The following CAMKV variants were observed in gnomAD, a reference collection of about 807,000 sequenced individuals.
CAMKV encodes caM kinase-like vesicle-associated protein.
Under a neutral mutation model 50.2 loss-of-function variants are expected in CAMKV, and 5 were observed. The observed-to-expected ratio is 0.10, with a 90% CI of 0.05 to 0.21. CAMKV has a LOEUF of 0.21. Among genes scored for constraint, CAMKV ranks in the 10% least tolerant of loss-of-function variants. The pLI is 1.00. For synonymous variants in CAMKV, 229 were observed against 250.1 expected, an observed-to-expected ratio of 0.92 and a Z score of 0.80; for missense variants, 361 against 650.5, an observed-to-expected ratio of 0.55 and a Z score of 4.84.
Position 49,860,610 on chromosome 3 carries a change from T to A in CAMKV, c.776-61A>T. 5.6e-6 allele frequency: 9 copies of A among 1,611,238 alleles called. No individual in the cohort carries two copies. Among genetic ancestry groups the A allele is most frequent in the Non-Finnish European group, 7.6e-6 (9 of 1,177,680 alleles). On this transcript the variant is annotated intron_variant, in intron 8 of 10. Coordinates refer to ENST00000477224, the MANE Select transcript of CAMKV (RefSeq NM_024046.5). The surrounding 1 kb of genome is among the most constrained non-coding windows in gnomAD (Gnocchi z 6.1). ...ACCCCATCTCAATGTCTAGAGGTGA[T>A]AAATGGGCTGGGGGACAGAAGCAGA...
rs998372182 is a variant in CAMKV at position 49,869,193 on chromosome 3, C to T, written c.-15+565G>A. Among the ~76,000 whole-genome samples, 2 of 152,188 alleles carry T rather than the reference C, an allele frequency of 1.3e-5. No individual in the cohort carries two copies. Among genetic ancestry groups the T allele is most frequent in the African/African-American group, 4.8e-5 (2 of 41,460 alleles). The stretch of plus-strand genomic sequence containing the variant: ...CATGTGCGCCCCCACCCCCACCGTG[C>T]ACGTGGGTCCATGCACTGGACCCCC... On this transcript the variant is annotated intron_variant, in intron 1 of 10. Transcript: ENST00000477224. This position sits in a 1 kb window ranked among gnomAD's most constrained non-coding sequence, Gnocchi z 5.2.
At chr3:49,863,374 T>C (rs1293189274) in intron 1 of CAMKV, 2 of 152,352 alleles carry the variant, frequency 1.3e-5, no homozygotes, top group Non-Finnish European at 2.9e-5. Context: ...TTTCTTTTTT[T>C]AGAGACAAGT....
chr3:49,859,755 C>G lies in CAMKV; in HGVS notation c.1069G>C (p.Ala357Pro), dbSNP rs1302979931. The change falls in exon 11 of 11, where the codon GCA becomes CCA. Residue 357 changes from alanine (A) to proline (P), a missense_variant. Transcript: ENST00000477224. The surrounding 1 kb of genome is among the most constrained non-coding windows in gnomAD (Gnocchi z 5.5). ...TPGAAGGATA[A>P]AASGATSAPE... is the part of the protein sequence containing the mutation. ...GCTGAGGTAGCTCCACTCGCAGCTGCAGCTGTGGCCCCACCTGCAGCCCCG... is the reference window on the plus strand; with the variant it reads ...GCTGAGGTAGCTCCACTCGCAGCTGGAGCTGTGGCCCCACCTGCAGCCCCG... 1 of 1,570,468 alleles carries G rather than the reference C, an allele frequency of 6.4e-7. No homozygotes were observed.
chr3:49,859,056 T>G lies in CAMKV; in HGVS notation c.*262A>C. 1 of 405,932 alleles carries G rather than the reference T, an allele frequency of 2.5e-6. No homozygotes were observed. Among genetic ancestry groups the G allele is most frequent in the Non-Finnish European group, 4.4e-6 (1 of 227,962 alleles). The allele number at this position is 405,932 out of a possible 1,614,324, so 25.1% of individuals were successfully genotyped here. A position where few individuals can be genotyped will look rare whatever the true frequency, so the allele number is the denominator to read the frequency against. ...GCATCCCACAAGGAACAGAAACTGG[T>G]GAAGCTAGCAAAAGACAGAAAAGCC... On this transcript the variant is annotated 3_prime_UTR_variant, in exon 11 of 11. Coordinates refer to ENST00000477224, the MANE Select transcript of CAMKV (RefSeq NM_024046.5). The surrounding 1 kb of genome is among the most constrained non-coding windows in gnomAD (Gnocchi z 5.5).
chr3:49,860,991 T>C lies in CAMKV; in HGVS notation c.590A>G (p.Tyr197Cys), dbSNP rs1161602649. 1.2e-6 allele frequency: 2 copies of C among 1,614,062 alleles called. No individual in the cohort carries two copies. Among genetic ancestry groups the C allele is most frequent in the South Asian group, 1.1e-5 (1 of 91,082 alleles). Residue 197 changes from tyrosine (Y) to cysteine (C), a missense_variant, in exon 7 of 11, where the codon TAT becomes TGT. By Grantham distance (194) the Tyr-to-Cys change is radical. This residue lies in a region of CAMKV where 172 missense variants were observed against 414.3 expected (regional missense o/e 0.42). Coordinates refer to ENST00000477224, the MANE Select transcript of CAMKV (RefSeq NM_024046.5). This position sits in a 1 kb window ranked among gnomAD's most constrained non-coding sequence, Gnocchi z 6.1. ...LAPEVVGRQR[Y>C]GRPVDCWAIG... ...GGCCCAGCAGTCCACAGGGCGTCCA[T>C]ACCGCTGCCGGCCTACCACCTCTGG...
At position 49,861,614 on chromosome 3, in the gene CAMKV, A is replaced by C. The variant is rs1382834253; in HGVS notation, c.303-37T>G. On this transcript the variant is annotated intron_variant, in intron 4 of 10. Transcript: ENST00000477224. The surrounding 1 kb of genome is among the most constrained non-coding windows in gnomAD (Gnocchi z 7.7). ...CAGCCCCTGAGCCTGGCGTGGGCAGAATCAGGGGTAGGGCAGGAGCACTTG... is the reference window on the plus strand; with the variant it reads ...CAGCCCCTGAGCCTGGCGTGGGCAGCATCAGGGGTAGGGCAGGAGCACTTG... 5 of 1,613,472 alleles carry C rather than the reference A, an allele frequency of 3.1e-6. No homozygotes were observed. Among genetic ancestry groups the C allele is most frequent in the Non-Finnish European group, 4.2e-6 (5 of 1,179,874 alleles).
chr3:49,860,493 C>T lies in CAMKV; in HGVS notation c.832G>A (p.Glu278Lys), dbSNP rs1240837292. The T allele has an allele frequency of 6.2e-7, 1 of 1,613,630 alleles. No homozygotes were observed. The highest frequency in any genetic ancestry group is 2.2e-5 in the East Asian group (1 of 44,858). The change falls in exon 9 of 11, where the codon GAA becomes AAA. Residue 278 changes from glutamate (E) to lysine (K), a missense_variant. By Grantham distance (56) the Glu-to-Lys change is moderately conservative (BLOSUM62 1). Coordinates refer to ENST00000477224, the MANE Select transcript of CAMKV (RefSeq NM_024046.5). This position sits in a 1 kb window ranked among gnomAD's most constrained non-coding sequence, Gnocchi z 6.1. ...CACCACTCATGGGAGATGGCCTCTT[C>T]TGCAGTGATCCGCTGGTCTTGCTCC... ...EVEQDQRITA[E>K]EAISHEWISG... is the part of the protein sequence containing the mutation.
chr3:49,865,270 T>C (rs2082055470), intron 1 of CAMKV, among the ~76,000 whole-genome samples: 1 of 152,078 alleles, frequency 6.6e-6, no homozygotes, highest in Non-Finnish European at 1.5e-5. Context: ...CCAGTTACCA[T>C]TGCCGGCTAC....
At position 49,859,243 on chromosome 3, in the gene CAMKV, T is replaced by G. The variant is rs377393471; in HGVS notation, c.*75A>C. On this transcript the variant is annotated 3_prime_UTR_variant, in exon 11 of 11. Coordinates refer to ENST00000477224, the MANE Select transcript of CAMKV (RefSeq NM_024046.5). The surrounding 1 kb of genome is among the most constrained non-coding windows in gnomAD (Gnocchi z 5.5). ...CGAGGGCATCATGCCAGTGACTCTA[T>G]GTACAGTGAGAAGCCCCTCATCCAC... 2.5e-4 allele frequency: 324 copies of G among 1,315,248 alleles called. 2 individuals carry two copies. The South Asian group carries it at 4.3e-3, about 18-fold the overall frequency. 81.5% of individuals were successfully genotyped at this position (1,315,248 alleles called of 1,614,324 possible). A position where few individuals can be genotyped will look rare whatever the true frequency, so the allele number is the denominator to read the frequency against.
In CAMKV at chr3:49,860,951, C is replaced by T; in HGVS notation, c.630G>A (p.Met210Ile). ...TCCATCTGTCCACTCACAGGATGTA[C>T]ATGATGACTCCAATGGCCCAGCAGT... The part of the protein sequence containing the change: ...PVDCWAIGVI[M>I]YILLSGNPPF... The change falls in exon 7 of 11, where the codon ATG (methionine) becomes ATA (isoleucine). Residue 210 changes from methionine to isoleucine, a missense_variant. Physicochemically the swap from Met to Ile is conservative, Grantham distance 10. Transcript: ENST00000477224. This position sits in a 1 kb window ranked among gnomAD's most constrained non-coding sequence, Gnocchi z 6.1. 6.2e-7 allele frequency: 1 copy of T among 1,614,150 alleles called. No individual in the cohort carries two copies. Among genetic ancestry groups the T allele is most frequent in the Non-Finnish European group, 8.5e-7 (1 of 1,180,018 alleles).
chr3:49,861,994 G>C lies in CAMKV; in HGVS notation c.227+51C>G. 1 of 1,612,552 alleles carries C rather than the reference G, an allele frequency of 6.2e-7. No homozygotes were observed. Among genetic ancestry groups the C allele is most frequent in the East Asian group, 2.2e-5 (1 of 44,832 alleles). On this transcript the variant is annotated intron_variant, in intron 3 of 10. Coordinates refer to ENST00000477224, the MANE Select transcript of CAMKV (RefSeq NM_024046.5). This position sits in a 1 kb window ranked among gnomAD's most constrained non-coding sequence, Gnocchi z 7.7. ...CTGCCTGAGGCCACTTGCCCTCTAAGCCCTTCCCTGCTGCCTCCCACCCCG... is the reference window on the plus strand; with the variant it reads ...CTGCCTGAGGCCACTTGCCCTCTAACCCCTTCCCTGCTGCCTCCCACCCCG...
Position 49,860,064 on chromosome 3 carries a change from C to T in CAMKV, c.942+107G>A. ...CAGTGGCTACACCCACACCTGATGG[C>T]CTGAGAAAAGCTTGTGTGTGGCTGC... On this transcript the variant is annotated intron_variant, in intron 10 of 10. Coordinates refer to ENST00000477224, the MANE Select transcript of CAMKV (RefSeq NM_024046.5). This position sits in a 1 kb window ranked among gnomAD's most constrained non-coding sequence, Gnocchi z 6.1. 3 of 1,161,418 alleles carry T rather than the reference C, an allele frequency of 2.6e-6. No individual in the cohort carries two copies. The highest frequency in any genetic ancestry group is 1.3e-5 in the South Asian group (1 of 76,322). 71.9% of individuals were successfully genotyped at this position (1,161,418 alleles called of 1,614,324 possible). A position where few individuals can be genotyped will look rare whatever the true frequency, so the allele number is the denominator to read the frequency against.
Position 49,861,703 on chromosome 3 carries a change from C to T in CAMKV, c.302+88G>A, listed in dbSNP as rs1324873824. The T allele has an allele frequency of 1.1e-5, 17 of 1,595,472 alleles. No homozygotes were observed. Among genetic ancestry groups the T allele is most frequent in the Non-Finnish European group, 1.5e-5 (17 of 1,165,596 alleles). ...ACAGGGACCTGGGACGCCAAGGGTCCAGAAAGGGGGTTTCCTTAGCTGCAG... is the reference window on the plus strand; with the variant it reads ...ACAGGGACCTGGGACGCCAAGGGTCTAGAAAGGGGGTTTCCTTAGCTGCAG... On this transcript the variant is annotated intron_variant, in intron 4 of 10. Transcript: ENST00000477224. The surrounding 1 kb of genome is among the most constrained non-coding windows in gnomAD (Gnocchi z 7.7).
rs778933330 is a variant in CAMKV, at chr3:49,861,995, C to A, written c.227+50G>T. 1 of 1,612,620 alleles carries A rather than the reference C, an allele frequency of 6.2e-7. No individual in the cohort carries two copies. The highest frequency in any genetic ancestry group is 8.5e-7 in the Non-Finnish European group (1 of 1,179,292). On this transcript the variant is annotated intron_variant, in intron 3 of 10. Transcript: ENST00000477224. The surrounding 1 kb of genome is among the most constrained non-coding windows in gnomAD (Gnocchi z 7.7). ...TGCCTGAGGCCACTTGCCCTCTAAG[C>A]CCTTCCCTGCTGCCTCCCACCCCGC... is the stretch of plus-strand genomic sequence containing the variant.
At chr3:49,865,474 C>T (rs896715204) in intron 1 of CAMKV, among the ~76,000 whole-genome samples, 37 of 152,184 alleles carry the variant, frequency 2.4e-4, no homozygotes, top group Middle Eastern at 3.4e-3. Context: ...AAAAGCCTCC[C>T]GTCAGATTCC....
rs1377590033 is a variant in CAMKV at position 49,869,889 on chromosome 3, T to C, written c.-146A>G. 2 of 152,088 alleles carry C rather than the reference T, an allele frequency of 1.3e-5. No homozygotes were observed. The highest frequency in any genetic ancestry group is 1.9e-4 in the East Asian group (1 of 5,168). 9.4% of individuals were successfully genotyped at this position (152,088 alleles called of 1,614,324 possible). A position where few individuals can be genotyped will look rare whatever the true frequency, so the allele number is the denominator to read the frequency against. ...CGGCGCCAGATGCAGCCGCTTCGGC[T>C]AGCGAACCTCCAGCATCGCCAGCCG... On this transcript the variant is annotated 5_prime_UTR_variant, in exon 1 of 11. An upstream open reading frame in the 5' UTR loses its in-frame stop. Coordinates refer to ENST00000477224, the MANE Select transcript of CAMKV (RefSeq NM_024046.5). The surrounding 1 kb of genome is among the most constrained non-coding windows in gnomAD (Gnocchi z 5.2).
Position 49,859,892 on chromosome 3 carries a change from C to G in CAMKV, c.943-11G>C. ...CACTCGGACAGCCTTCTGAAAGGAG[C>G]ACAGTGGAGAAAGGCTAAGGGTGAG... On this transcript the variant is annotated splice_polypyrimidine_tract_variant and intron_variant, in intron 10 of 10. Transcript: ENST00000477224. This position sits in a 1 kb window ranked among gnomAD's most constrained non-coding sequence, Gnocchi z 5.5. The G allele has an allele frequency of 6.6e-7, 1 of 1,509,446 alleles. No individual in the cohort carries two copies. Among genetic ancestry groups the G allele is most frequent in the Non-Finnish European group, 8.8e-7 (1 of 1,137,390 alleles). The allele number at this position is 1,509,446 out of a possible 1,614,324, so 93.5% of individuals were successfully genotyped here.
chr3:49,866,212 T>C (rs1434526321), intron 1 of CAMKV, among the ~76,000 whole-genome samples: 1 of 152,120 alleles, frequency 6.6e-6, no homozygotes, highest in Non-Finnish European at 1.5e-5. Context: ...AGCACCTTGG[T>C]TCCCTCTGCC....
At chr3:49,868,626 C>A (rs1273660788) in intron 1 of CAMKV, among the ~76,000 whole-genome samples, 1 of 152,204 alleles carries the variant, frequency 6.6e-6, no homozygotes, top group East Asian at 1.9e-4. Context: ...GAGACCCTTG[C>A]CCCACCCTGG....
Sources: allele counts gnomAD v4.1 joint callset (sites outside exome capture counted in the v4.1 genomes callset), GRCh38; gene constraint gnomAD v4.1.1; regional missense constraint gnomAD v4.1.1; non-coding constraint Gnocchi (gnomAD v3.1); transcripts MANE v1.5; gene names NCBI Gene and HGNC (gene_info 2026-07-23, HGNC 2026-07-21).